The following AUTS2 variants were observed in gnomAD, a reference collection of about 807,000 sequenced individuals.
The protein encoded by AUTS2 is activator of transcription and developmental regulator AUTS2, also known as autism susceptibility gene 2 protein.
AUTS2 carries 17 observed loss-of-function variants against 112.4 expected under a neutral mutation model. The observed-to-expected ratio is 0.15, with a 90% CI of 0.10 to 0.23. The LOEUF (loss-of-function observed/expected upper bound fraction) is 0.23, where lower values mean the gene tolerates loss of function less well. Among genes scored for constraint, AUTS2 ranks in the 10% least tolerant of loss-of-function variants. The pLI is 1.00. For synonymous variants in AUTS2, 751 were observed against 702.7 expected, an observed-to-expected ratio of 1.07 and a Z score of -1.09; for missense variants, 1,510 against 1,701.6, an observed-to-expected ratio of 0.89 and a Z score of 1.98.
chr7:70,681,956 C>T (rs1419891600), intron 5 of AUTS2, among the ~76,000 whole-genome samples: 2 of 152,214 alleles, frequency 1.3e-5, no homozygotes, highest in Admixed American at 6.5e-5. Flanking sequence ...CAGCCCTCTT[C>T]GCTTATAAAC....
chr7:70,521,508 A>T (rs1341413496), intron 5 of AUTS2, among the ~76,000 whole-genome samples: 1 of 152,146 alleles, frequency 6.6e-6, no homozygotes, highest in Non-Finnish European at 1.5e-5. Flanking sequence ...GGTTTTGATG[A>T]TGTTGATGGT....
chr7:69,830,648 GT>G (rs1791459543), intron 1 of AUTS2, among the ~76,000 whole-genome samples: 1 of 152,160 alleles, frequency 6.6e-6, no homozygotes, highest in Non-Finnish European at 1.5e-5. Flanking sequence ...TTTGTTATTT[GT>G]TTAAATGAGT....
Position 70,721,499 on chromosome 7 carries a change from C to T in AUTS2, c.742+22879C>T, listed in dbSNP as rs552948520. On this transcript the variant is annotated intron_variant, in intron 6 of 18. Transcript: ENST00000342771. The stretch of plus-strand genomic sequence containing the variant: ...ACTTTTAGTAGAGACCGGTTTTCAC[C>T]ATGTTGGCCAGGCTGGTCTCAAACT... 8.5e-5 allele frequency among the ~76,000 whole-genome samples: 13 copies of T among 152,258 alleles called. No homozygotes were observed. In the East Asian group the frequency reaches 2.3e-3, roughly 27 times the overall value.
intron 6 of AUTS2, among the ~76,000 whole-genome samples, chr7:70,733,155 T>C (rs1349584387): frequency 6.6e-6 from 1 of 152,190 alleles, no homozygotes; most frequent in East Asian, 1.9e-4. Context: ...ATAAAAAAGT[T>C]AGGCTCCTGA....
intron 5 of AUTS2, among the ~76,000 whole-genome samples, chr7:70,642,121 T>C (rs1037426191): frequency 1.3e-5 from 2 of 152,226 alleles, no homozygotes; most frequent in African/African-American, 4.8e-5. Context: ...CTTTCTAGCT[T>C]TTGCCATCTT....
intron 2 of AUTS2, among the ~76,000 whole-genome samples, chr7:70,011,830 G>C (rs892530275): frequency 1.3e-5 from 2 of 152,144 alleles, no homozygotes; most frequent in Admixed American, 1.3e-4. Context: ...GCTGTGGAAG[G>C]TGGAGCTCCT....
At chr7:69,818,122 G>A (rs1024631181) in intron 1 of AUTS2, among the ~76,000 whole-genome samples, 2 of 152,206 alleles carry the variant, frequency 1.3e-5, no homozygotes, top group African/African-American at 4.8e-5. Flanking sequence ...CTAATGAGGA[G>A]CTGGGTTCCT....
At chr7:70,675,045 T>G (rs1386635249) in intron 5 of AUTS2, among the ~76,000 whole-genome samples, 1 of 152,136 alleles carries the variant, frequency 6.6e-6, no homozygotes, top group African/African-American at 2.4e-5. Context: ...TTATTAAGCT[T>G]CTCTCTACCT....
At chr7:70,593,006 T>A (rs1055452402) in intron 5 of AUTS2, among the ~76,000 whole-genome samples, 1 of 151,660 alleles carries the variant, frequency 6.6e-6, no homozygotes, top group Non-Finnish European at 1.5e-5. Context: ...CAATCCACCA[T>A]GCTAGCTACT....
chr7:70,091,296 T>G (rs1803908298), intron 2 of AUTS2, among the ~76,000 whole-genome samples: 1 of 152,208 alleles, frequency 6.6e-6, no homozygotes, highest in Non-Finnish European at 1.5e-5. Context: ...TGCATTGGTG[T>G]ACTTTTCTTT....
rs1258514541 is a variant in AUTS2 at position 69,733,010 on chromosome 7, GA to G, written c.309+133049del. ...TTAAGGGTGTCTTTTGAGAAGAACA[GA>G]GCCCACTCTGTTTAGCAGCTTGCTT... On this transcript the variant is annotated intron_variant, in intron 1 of 18. Transcript: ENST00000342771. Among the ~76,000 whole-genome samples the G allele has an allele frequency of 2.0e-5, 3 of 152,278 alleles. No individual in the cohort carries two copies. In the East Asian group the frequency reaches 5.8e-4, roughly 29 times the overall value.
At chr7:70,377,125 G>A (rs552164868) in intron 4 of AUTS2, among the ~76,000 whole-genome samples, 2 of 151,458 alleles carry the variant, frequency 1.3e-5, no homozygotes, top group Non-Finnish European at 2.9e-5. Flanking sequence ...TGCATGTTAA[G>A]TACCTGTAGT....
intron 2 of AUTS2, among the ~76,000 whole-genome samples, chr7:70,097,373 T>A (rs1804260472): frequency 6.6e-6 from 1 of 152,180 alleles, no homozygotes; most frequent in South Asian, 2.1e-4. Flanking sequence ...TTCTTAAGGT[T>A]CTCTCCCTAG....
chr7:70,285,871 G>A (rs11971052), intron 4 of AUTS2, among the ~76,000 whole-genome samples: 2,995 of 152,250 alleles, frequency 0.02, 118 homozygotes, highest in African/African-American at 0.068. Context: ...CCCTCCTAAT[G>A]CTTACATCCC....
At chr7:70,363,182 T>C (rs1307895784) in intron 4 of AUTS2, among the ~76,000 whole-genome samples, 1 of 152,246 alleles carries the variant, frequency 6.6e-6, no homozygotes, top group Non-Finnish European at 1.5e-5. Context: ...ATTCTGTGGA[T>C]TCAAAATCAT....
chr7:69,844,534 C>A (rs1433660156), intron 1 of AUTS2, among the ~76,000 whole-genome samples: 1 of 152,076 alleles, frequency 6.6e-6, no homozygotes. Flanking sequence ...TGGAAAGAGA[C>A]CCTCTTTCAG....
At chr7:70,295,389 T>C (rs891279135) in intron 4 of AUTS2, among the ~76,000 whole-genome samples, 3 of 152,226 alleles carry the variant, frequency 2.0e-5, no homozygotes, top group Admixed American at 6.5e-5. Context: ...TGGAAGATAC[T>C]GTCCTATGTT....
At chr7:70,045,297 G>GC (rs1456313995) in intron 2 of AUTS2, among the ~76,000 whole-genome samples, 1 of 152,152 alleles carries the variant, frequency 6.6e-6, no homozygotes, top group East Asian at 1.9e-4. Flanking sequence ...CTAGCCACAT[G>GC]CAACTGTTGC....
At chr7:69,686,896 A>G (rs562526576) in intron 1 of AUTS2, among the ~76,000 whole-genome samples, 3 of 152,326 alleles carry the variant, frequency 2.0e-5, no homozygotes, top group East Asian at 3.9e-4. Context: ...GCACACGTTA[A>G]TATGAACCAT....
Sources: gnomAD v4.1 joint callset for allele counts (sites outside exome capture counted in the v4.1 genomes callset) on GRCh38, gnomAD v4.1.1 for gene constraint, MANE v1.5 for transcripts, NCBI Gene and HGNC (gene_info 2026-07-23, HGNC 2026-07-21) for gene names.